SLC24A2: variants seen among roughly 807,000 people sequenced by gnomAD.
SLC24A2 encodes solute carrier family 24 member 2.
A neutral mutation model predicts 62.0 loss-of-function variants in SLC24A2; 36 were observed. That is an observed-to-expected ratio of 0.58 (90% CI 0.44 to 0.77). SLC24A2 has a LOEUF of 0.77. Among genes scored for constraint, SLC24A2 ranks in the 30% least tolerant of loss-of-function variants. The pLI is 0.00. For missense variants in SLC24A2, 846 were observed against 817.9 expected, an observed-to-expected ratio of 1.03 and a Z score of -0.42; for synonymous variants, 358 against 294.0, an observed-to-expected ratio of 1.22 and a Z score of -2.23.
the SLC24A2 span, among the ~76,000 whole-genome samples, chr9:20,061,876 T>C: frequency 2.0e-5 from 3 of 151,844 alleles, no homozygotes; most frequent in South Asian, 4.2e-4. Context: ...GAAGACACCA[T>C]TAAGGAAATG....
chr9:19,816,248 T>C, the SLC24A2 span, among the ~76,000 whole-genome samples: 1 of 152,108 alleles, frequency 6.6e-6, no homozygotes, highest in African/African-American at 2.4e-5. Flanking sequence ...TCTTTCTGTT[T>C]TGTTACTCCA....
intron 10 of SLC24A2, among the ~76,000 whole-genome samples, chr9:19,519,316 G>A: frequency 7.3e-6 from 1 of 137,560 alleles, no homozygotes; most frequent in East Asian, 2.3e-4. Context: ...CCGAGTAATA[G>A]GATTAGGAGT....
intron 4 of SLC24A2, among the ~76,000 whole-genome samples, chr9:19,598,240 T>A (rs1836756601): frequency 6.6e-6 from 1 of 152,188 alleles, no homozygotes; most frequent in Non-Finnish European, 1.5e-5. Context: ...CCAATAAACT[T>A]CAAGACATTA....
chr9:20,176,021 AC>A, the SLC24A2 span, among the ~76,000 whole-genome samples: 3 of 152,084 alleles, frequency 2.0e-5, no homozygotes, highest in African/African-American at 4.8e-5. Context: ...TAAAGTGAGG[AC>A]CCGGTGAGAG....
At chr9:20,260,542 T>C in the SLC24A2 span, among the ~76,000 whole-genome samples, 7 of 152,252 alleles carry the variant, frequency 4.6e-5, no homozygotes, top group Admixed American at 6.5e-5. Context: ...TAGAAATCCA[T>C]ATGACATAGC....
the SLC24A2 span, among the ~76,000 whole-genome samples, chr9:19,865,135 A>G: frequency 1.3e-5 from 2 of 152,130 alleles, no homozygotes; most frequent in Non-Finnish European, 2.9e-5. Flanking sequence ...GAATGAATGA[A>G]AAATCTCTAT....
chr9:20,086,551 A>G, the SLC24A2 span, among the ~76,000 whole-genome samples: 1 of 152,132 alleles, frequency 6.6e-6, no homozygotes, highest in African/African-American at 2.4e-5. Flanking sequence ...AGAGAAGTGG[A>G]TGTGCCCAAC....
chr9:19,752,745 A>G (rs190228442), intron 2 of SLC24A2, among the ~76,000 whole-genome samples: 108 of 152,310 alleles, frequency 7.1e-4, no homozygotes, highest in African/African-American at 2.4e-3. Flanking sequence ...TACTCAATTC[A>G]TTATATCCTC....
chr9:20,182,634 G>A, the SLC24A2 span, among the ~76,000 whole-genome samples: 912 of 152,202 alleles, frequency 6.0e-3, 5 homozygotes, highest in Non-Finnish European at 9.9e-3. Flanking sequence ...AGGGCCTGTC[G>A]GGGCGGGGGT....
intron 2 of SLC24A2, among the ~76,000 whole-genome samples, chr9:19,705,991 T>C (rs1243280501): frequency 6.6e-6 from 1 of 152,010 alleles, no homozygotes; most frequent in Non-Finnish European, 1.5e-5. Flanking sequence ...GTATCCTTGT[T>C]AACTTTCTGT....
rs180867925 is a variant in SLC24A2, at chr9:19,529,624, C to G, written c.1480-1486G>C. 3.7e-4 allele frequency among the ~76,000 whole-genome samples: 56 copies of G among 152,184 alleles called. 1 individual carries two copies. In the South Asian group the frequency reaches 0.012, roughly 32 times the overall value. On this transcript the variant is annotated intron_variant, in intron 8 of 10. Transcript: ENST00000341998. ...ACCCTCAAATGCTTTTCCCTGCTCC[C>G]TTTCTTTCTTAGAAGAAAAATATTT...
the SLC24A2 span, among the ~76,000 whole-genome samples, chr9:20,146,981 A>G: frequency 6.6e-6 from 1 of 152,190 alleles, no homozygotes; most frequent in African/African-American, 2.4e-5. Flanking sequence ...GCTCTCCTTG[A>G]TAGCATGTGA....
At chr9:20,028,209 G>T in the SLC24A2 span, among the ~76,000 whole-genome samples, 1 of 152,226 alleles carries the variant, frequency 6.6e-6, no homozygotes, top group East Asian at 1.9e-4. Flanking sequence ...GAAGGCTTTG[G>T]GGTTTGATAG....
intron 2 of SLC24A2, among the ~76,000 whole-genome samples, chr9:19,644,305 T>C (rs1256593287): frequency 6.6e-6 from 1 of 152,252 alleles, no homozygotes; most frequent in Non-Finnish European, 1.5e-5. Context: ...AAGACTGGCT[T>C]CTGAGGGATG....
chr9:19,909,163 T>A, the SLC24A2 span, among the ~76,000 whole-genome samples: 1 of 152,306 alleles, frequency 6.6e-6, no homozygotes, highest in East Asian at 1.9e-4. Context: ...TAATAAATGA[T>A]GAGTTCACGT....
At chr9:19,822,672 G>A in the SLC24A2 span, among the ~76,000 whole-genome samples, 12,939 of 152,172 alleles carry the variant, frequency 0.085, 636 homozygotes, top group African/African-American at 0.15. Flanking sequence ...AGCCCACTTT[G>A]CAATGTCTCT....
chr9:19,651,337 T>G (rs1200596274), intron 2 of SLC24A2, among the ~76,000 whole-genome samples: 1 of 152,252 alleles, frequency 6.6e-6, no homozygotes, highest in Non-Finnish European at 1.5e-5. Context: ...AAGGTGATGT[T>G]ATCATTCCTA....
chr9:19,629,578 G>A (rs1411114866), intron 2 of SLC24A2, among the ~76,000 whole-genome samples: 1 of 152,158 alleles, frequency 6.6e-6, no homozygotes, highest in Non-Finnish European at 1.5e-5. Context: ...CTTCAGAACG[G>A]CATAGATTTA....
the SLC24A2 span, among the ~76,000 whole-genome samples, chr9:20,005,351 A>T: frequency 1.3e-5 from 2 of 152,192 alleles, no homozygotes; most frequent in Non-Finnish European, 2.9e-5. Flanking sequence ...CAAAATAATT[A>T]AAAAAACAAA....
Sources: gnomAD v4.1 joint callset for allele counts (sites outside exome capture counted in the v4.1 genomes callset) on GRCh38, gnomAD v4.1.1 for gene constraint, MANE v1.5 for transcripts, NCBI Gene and HGNC (gene_info 2026-07-23, HGNC 2026-07-21) for gene names.